The following PCDHA3 variants were observed in gnomAD, a reference collection of about 807,000 sequenced individuals.
The protein encoded by PCDHA3 is protocadherin alpha-3.
A neutral mutation model predicts 62.2 loss-of-function variants in PCDHA3; 41 were observed. The observed-to-expected ratio is 0.66, with a 90% CI of 0.51 to 0.86. The LOEUF is 0.86. PCDHA3 is among the 40% of genes least tolerant of loss of function. The pLI, the probability that PCDHA3 is intolerant of heterozygous loss-of-function variation, is 0.00. For synonymous variants in PCDHA3, 640 were observed against 555.4 expected (o/e 1.15, Z -2.14); for missense variants, 1,304 against 1,241.2 (o/e 1.05, Z -0.76).
At chr5:140,926,872 AC>A in intron 1 of PCDHA3, 1 of 1,525,488 alleles carries the variant, frequency 6.6e-7, no homozygotes, top group Non-Finnish European at 8.8e-7. Flanking sequence ...TGTTGGTGGA[AC>A]GTGGACGCCT....
chr5:141,000,618 G>A (rs1354281260), intron 3 of PCDHA3, among the ~76,000 whole-genome samples: 1 of 150,858 alleles, frequency 6.6e-6, no homozygotes, highest in Non-Finnish European at 1.5e-5. Flanking sequence ...AGTAGAGACA[G>A]GGTTTCACCA....
intron 1 of PCDHA3, among the ~76,000 whole-genome samples, chr5:140,838,613 A>AT (rs1775803010): frequency 2.0e-5 from 3 of 152,150 alleles, no homozygotes; most frequent in Non-Finnish European, 4.4e-5. Flanking sequence ...ACTTTTAAAA[A>AT]TTTTTTACAA....
chr5:140,883,581 C>A, intron 1 of PCDHA3: 2 of 1,614,018 alleles, frequency 1.2e-6, no homozygotes, highest in Non-Finnish European at 1.7e-6. Flanking sequence ...CTGTGGGCCA[C>A]GGCCAGCGTG....
chr5:140,805,249 A>G, intron 1 of PCDHA3: 1 of 1,313,262 alleles, frequency 7.6e-7, no homozygotes, highest in Non-Finnish European at 9.7e-7. Flanking sequence ...TCTGTACATT[A>G]AAATACCTGG....
chr5:140,876,967 G>T lies in PCDHA3; in HGVS notation c.2394+73376G>T, dbSNP rs200960356. On this transcript the variant is annotated intron_variant, in intron 1 of 3. Coordinates refer to ENST00000522353, the MANE Select transcript of PCDHA3 (RefSeq NM_018906.3). ...GTCCTACTCGCTGGTGGAGCGGCGG[G>T]TGGGCGAGCACGCACTGTCGAGCTA... The T allele has an allele frequency of 3.1e-6, 5 of 1,613,050 alleles. No homozygotes were observed. The South Asian group carries it at 3.3e-5, about 11-fold the overall frequency.
At chr5:140,827,839 G>A in intron 1 of PCDHA3, 1 of 453,654 alleles carries the variant, frequency 2.2e-6, no homozygotes, top group Non-Finnish European at 3.8e-6. Flanking sequence ...GAGAAAAGAA[G>A]ATACTGTTTT....
At chr5:140,997,374 A>G (rs1296402204) in intron 3 of PCDHA3, among the ~76,000 whole-genome samples, 1 of 152,212 alleles carries the variant, frequency 6.6e-6, no homozygotes, top group Non-Finnish European at 1.5e-5. Flanking sequence ...TAGATGATAT[A>G]GCATACTACA....
At chr5:140,824,127 C>G (rs370659144) in intron 1 of PCDHA3, 1 of 1,613,450 alleles carries the variant, frequency 6.2e-7, no homozygotes, top group Non-Finnish European at 8.5e-7. Flanking sequence ...CTACAGACAA[C>G]GTGAGTTTTC....
intron 1 of PCDHA3, chr5:140,869,668 A>G (rs540975019): frequency 1.2e-6 from 2 of 1,613,544 alleles, no homozygotes; most frequent in African/African-American, 1.3e-5. Context: ...TGGTAAGCAG[A>G]TTAAAAGACT....
intron 1 of PCDHA3, chr5:140,850,334 A>G (rs2041532425): frequency 6.3e-7 from 1 of 1,597,666 alleles, no homozygotes. Context: ...AGCTGCAGCC[A>G]GAAACGGCCA....
intron 3 of PCDHA3, among the ~76,000 whole-genome samples, chr5:140,994,668 G>A (rs2097644296): frequency 6.6e-6 from 1 of 152,118 alleles, no homozygotes; most frequent in Admixed American, 6.5e-5. Context: ...TCACACTACT[G>A]CACTCCAGCC....
rs373853046 is a variant in PCDHA3, at chr5:140,802,675, C to G, written c.1478C>G (p.Ser493Trp). 19 of 1,613,260 alleles carry G rather than the reference C, an allele frequency of 1.2e-5. No homozygotes were observed. The highest frequency in any genetic ancestry group is 2.2e-5 in the South Asian group (2 of 91,038). ...CAGGAGAACGCCCTGGTGTCCTACT[C>G]GCTGGTGGAACGGCGGGTGGGGGAG... ...DAQENALVSY[S>W]LVERRVGERA... is the part of the protein sequence containing the mutation. Residue 493 changes from serine to tryptophan, a missense_variant, in exon 1 of 4, where the codon TCG (serine) becomes TGG (tryptophan). Transcript: ENST00000522353.
chr5:140,809,139 T>C (rs1554125021), intron 1 of PCDHA3: 1 of 1,613,822 alleles, frequency 6.2e-7, no homozygotes, highest in Non-Finnish European at 8.5e-7. Context: ...CTGGTACTGG[T>C]GAAGGACCAC....
chr5:140,958,637 A>G (rs2095435071), intron 1 of PCDHA3, among the ~76,000 whole-genome samples: 1 of 152,192 alleles, frequency 6.6e-6, no homozygotes. Flanking sequence ...TACTGCAGAA[A>G]ACCAATCACA....
In PCDHA3 at chr5:140,823,091, G is replaced by A. The variant is rs2150122158; in HGVS notation, c.2394+19500G>A. On this transcript the variant is annotated intron_variant, in intron 1 of 3. Transcript: ENST00000522353. ...TCGCCTTCGCTGTGGGCCACCGCCA[G>A]CGTGTCTGTGGAAGTGGCCGACGTG... The A allele has an allele frequency of 5.0e-6, 8 of 1,614,038 alleles. No individual in the cohort carries two copies. The East Asian group carries it at 6.7e-5, about 13-fold the overall frequency.
intron 1 of PCDHA3, chr5:140,865,531 T>A (rs562505947): frequency 4.6e-5 from 7 of 152,326 alleles, no homozygotes; most frequent in African/African-American, 1.7e-4. Flanking sequence ...ATTCTCTTCA[T>A]CCATAGCTAT....
At chr5:140,925,545 T>C (rs2082554124) in intron 1 of PCDHA3, among the ~76,000 whole-genome samples, 1 of 151,896 alleles carries the variant, frequency 6.6e-6, no homozygotes, top group Non-Finnish European at 1.5e-5. Flanking sequence ...ATACCTAATG[T>C]AAATGACAAG....
Position 140,980,554 on chromosome 5 carries a change from C to T in PCDHA3, c.2453+1547C>T, listed in dbSNP as rs1283128844. Among the ~76,000 whole-genome samples, 9 of 152,008 alleles carry T rather than the reference C, an allele frequency of 5.9e-5. No individual in the cohort carries two copies. The South Asian group carries it at 1.5e-3, about 25-fold the overall frequency. On this transcript the variant is annotated intron_variant, in intron 2 of 3. Transcript: ENST00000522353. ...CTGAGGCAGGAGAATCGCTTGAACC[C>T]GGGAGGCGGAAGTTGCAGTGAGCCA...
intron 1 of PCDHA3, chr5:140,849,931 C>T (rs2150458140): frequency 1.9e-6 from 3 of 1,598,012 alleles, no homozygotes; most frequent in Non-Finnish European, 1.7e-6. Flanking sequence ...ACGGTGTCTG[C>T]GCGGGACGCT....
Sources: allele counts gnomAD v4.1 joint callset (sites outside exome capture counted in the v4.1 genomes callset), GRCh38; gene constraint gnomAD v4.1.1; transcripts MANE v1.5; gene names NCBI Gene and HGNC (gene_info 2026-07-23, HGNC 2026-07-21).